The following BCAP29 variants were observed in gnomAD, a reference collection of about 807,000 sequenced individuals.
BCAP29 encodes B cell receptor associated protein 29.
In BCAP29, 34 loss-of-function variants were observed where a neutral mutation model predicts 31.8. The ratio of observed to expected loss-of-function variants is 1.07; its 90% CI spans 0.81 to 1.42. The LOEUF (loss-of-function observed/expected upper bound fraction) is 1.42, where lower values mean the gene tolerates loss of function less well. BCAP29 is among the 40% of genes most tolerant of loss of function. The pLI is 0.00. For missense variants in BCAP29, 314 were observed against 269.2 expected (o/e 1.17, Z -1.16); for synonymous variants, 104 against 91.3 (o/e 1.14, Z -0.79).
chr7:107,609,080 C>T (rs1186000409), intron 6 of BCAP29, among the ~76,000 whole-genome samples: 2 of 152,102 alleles, frequency 1.3e-5, no homozygotes, highest in African/African-American at 4.8e-5. Context: ...CACTGGAGAT[C>T]GACACTTTCT....
At chr7:107,584,646 T>C (rs558130651) in intron 3 of BCAP29, among the ~76,000 whole-genome samples, 4 of 152,178 alleles carry the variant, frequency 2.6e-5, no homozygotes, top group African/African-American at 9.6e-5. Context: ...GAAGTTCAAG[T>C]TTGCAGTGAA....
At chr7:107,600,608 C>T in intron 6 of BCAP29, 103 bp downstream of exon 6, 1 of 614,280 alleles carries the variant, frequency 1.6e-6, no homozygotes, top group East Asian at 2.7e-5. Context: ...AAATGTTCTT[C>T]TAAGATACCG....
Position 107,596,000 on chromosome 7 carries a change from A to G in BCAP29, c.478A>G (p.Arg160Gly), listed in dbSNP as rs1359508922. 7 of 1,565,088 alleles carry G rather than the reference A, an allele frequency of 4.5e-6. No individual in the cohort carries two copies. The highest frequency in any genetic ancestry group is 4.2e-5 in the Admixed American group (2 of 47,226). The stretch of plus-strand genomic sequence containing the variant: ...TATGGAAGAAAACGAAAAACTAAAA[A>G]GGGTATTTAATTTTCTTTGTAAAAA... ...KFMEENEKLK[R>G]ILKSHGKDEE... Residue 160 changes from arginine to glycine, a missense_variant and splice_region_variant, in exon 5 of 8, where the codon AGG becomes GGG. Coordinates refer to ENST00000005259, the MANE Select transcript of BCAP29 (RefSeq NM_018844.4).
chr7:107,586,018 G>T lies in BCAP29; in HGVS notation c.193+2036G>T, dbSNP rs141105240. ...AAAAAAAAGAAACCAACTTGAACTC[G>T]CTTGACTAAAAAAGGAAAAATTTGT... On this transcript the variant is annotated intron_variant, in intron 3 of 7. Transcript: ENST00000005259. Among the ~76,000 whole-genome samples the T allele has an allele frequency of 7.7e-4, 117 of 152,010 alleles. 2 individuals are homozygous for T. The East Asian group carries it at 0.021, about 27-fold the overall frequency.
At chr7:107,607,232 G>A (rs190443205) in intron 6 of BCAP29, among the ~76,000 whole-genome samples, 51 of 152,304 alleles carry the variant, frequency 3.3e-4, no homozygotes, top group African/African-American at 1.2e-3. Context: ...CAGAAGAATC[G>A]CTTGAGCCTG....
chr7:107,587,815 C>T (rs1210259108), intron 3 of BCAP29: 1 of 150,354 alleles, frequency 6.7e-6, no homozygotes, highest in African/African-American at 2.4e-5. Flanking sequence ...CAAAAAGGAC[C>T]CCTATTTGAA....
intron 3 of BCAP29, among the ~76,000 whole-genome samples, chr7:107,589,428 T>G (rs1808321373): frequency 6.6e-6 from 1 of 152,200 alleles, no homozygotes. Context: ...GGCATTAGAT[T>G]CTCATAAGAA....
chr7:107,583,278 T>C (rs1358234024), intron 2 of BCAP29, among the ~76,000 whole-genome samples: 1 of 152,072 alleles, frequency 6.6e-6, no homozygotes, highest in Non-Finnish European at 1.5e-5. Flanking sequence ...TTCACATCTT[T>C]ATCTGTAGTA....
intron 6 of BCAP29, among the ~76,000 whole-genome samples, chr7:107,600,892 T>A (rs1039895098): frequency 6.6e-6 from 1 of 152,212 alleles, no homozygotes; most frequent in Non-Finnish European, 1.5e-5. Context: ...AATATATTGT[T>A]TATTTCAAGC....
intron 3 of BCAP29, among the ~76,000 whole-genome samples, chr7:107,591,916 A>G (rs1028972134): frequency 6.6e-6 from 1 of 152,078 alleles, no homozygotes; most frequent in Non-Finnish European, 1.5e-5. Flanking sequence ...ACTCAGACAA[A>G]TTCAGAATGT....
At chr7:107,599,684 A>G (rs1810794069) in intron 5 of BCAP29, among the ~76,000 whole-genome samples, 2 of 152,030 alleles carry the variant, frequency 1.3e-5, no homozygotes, top group African/African-American at 4.8e-5. Context: ...GATGATAATT[A>G]TAGTTTCTGT....
intron 4 of BCAP29, 137 bp from the exon 5 acceptor site, chr7:107,595,730 A>C (rs1809688651): frequency 1.1e-6 from 1 of 879,512 alleles, no homozygotes; most frequent in Non-Finnish European, 1.6e-6. Context: ...GAATTAAAAA[A>C]AGAATAATGG....
intron 6 of BCAP29, among the ~76,000 whole-genome samples, chr7:107,608,996 T>G (rs543540536): frequency 3.2e-4 from 48 of 152,344 alleles, no homozygotes; most frequent in African/African-American, 1.1e-3. Context: ...GAGTAGTCCA[T>G]AGTCTAGTAA....
intron 6 of BCAP29, among the ~76,000 whole-genome samples, chr7:107,609,242 G>T (rs937128594): frequency 6.6e-6 from 1 of 152,170 alleles, no homozygotes; most frequent in African/African-American, 2.4e-5. Flanking sequence ...AAAAGAAGAT[G>T]GAACCAGTGG....
intron 7 of BCAP29, chr7:107,615,998 C>T (rs1814061969): frequency 6.6e-6 from 1 of 152,394 alleles, no homozygotes; most frequent in African/African-American, 2.4e-5. Flanking sequence ...CCAGAACCTC[C>T]ATCATTAACC....
At chr7:107,609,577 A>G (rs1260854844) in intron 6 of BCAP29, among the ~76,000 whole-genome samples, 1 of 152,200 alleles carries the variant, frequency 6.6e-6, no homozygotes, top group Non-Finnish European at 1.5e-5. Flanking sequence ...GAAGTGATGA[A>G]TAAAACGTAA....
At chr7:107,596,979 C>T (rs1809964703) in intron 5 of BCAP29, among the ~76,000 whole-genome samples, 1 of 152,142 alleles carries the variant, frequency 6.6e-6, no homozygotes, top group South Asian at 2.1e-4. Context: ...TGATTTGCTG[C>T]TTCCTGCATA....
chr7:107,601,970 T>C (rs1214129913), intron 6 of BCAP29, among the ~76,000 whole-genome samples: 1 of 152,218 alleles, frequency 6.6e-6, no homozygotes, highest in East Asian at 1.9e-4. Context: ...CTCTGAGATA[T>C]TTTGAGTTTT....
chr7:107,610,481 C>T (rs1256298359), intron 6 of BCAP29, among the ~76,000 whole-genome samples: 2 of 151,896 alleles, frequency 1.3e-5, no homozygotes, highest in African/African-American at 4.8e-5. Flanking sequence ...GATGCAGTTG[C>T]AAAAGGAGGT....
Sources: allele counts gnomAD v4.1 joint callset (sites outside exome capture counted in the v4.1 genomes callset), GRCh38; gene constraint gnomAD v4.1.1; transcripts MANE v1.5; gene names NCBI Gene and HGNC (gene_info 2026-07-23, HGNC 2026-07-21).